The following DNAJC10 variants were observed in gnomAD, a reference collection of about 807,000 sequenced individuals.
DNAJC10 encodes the protein endoplasmic reticulum disulfide reductase DNAJC10.
Under a neutral mutation model 115.0 loss-of-function variants are expected in DNAJC10, and 101 were observed. The ratio of observed to expected loss-of-function variants is 0.88; its 90% CI spans 0.75 to 1.04. The LOEUF is 1.04. Ranked by LOEUF, DNAJC10 falls within the 50% of genes least tolerant of loss-of-function variation. The pLI is 0.00. For missense variants in DNAJC10, 981 were observed against 928.8 expected (o/e 1.06, Z -0.73); for synonymous variants, 307 against 301.5 (o/e 1.02, Z -0.19).
rs1694046394 is a variant in DNAJC10 at position 182,752,411 on chromosome 2, T to G, written c.1551+223T>G. 6 of 350,110 alleles carry G rather than the reference T, an allele frequency of 1.7e-5. No individual in the cohort carries two copies. In the Admixed American group the frequency reaches 2.0e-4, roughly 12 times the overall value. 21.7% of individuals were successfully genotyped at this position (350,110 alleles called of 1,614,324 possible). ...GCATTGAATGTAAATAAGGTCTTAT[T>G]TATCAAACTCAGGCAACTATTTTCA... On this transcript the variant is annotated intron_variant, in intron 16 of 23. Coordinates refer to ENST00000264065, the MANE Select transcript of DNAJC10 (RefSeq NM_018981.4).
At chr2:182,745,327 A>G (rs1305463074) in intron 14 of DNAJC10, among the ~76,000 whole-genome samples, 1 of 152,162 alleles carries the variant, frequency 6.6e-6, no homozygotes, top group Non-Finnish European at 1.5e-5. Flanking sequence ...CTACCTTTGG[A>G]TGTTTGTGAA....
chr2:182,753,898 C>G (rs2105672820), intron 16 of DNAJC10, among the ~76,000 whole-genome samples: 1 of 152,100 alleles, frequency 6.6e-6, no homozygotes, highest in East Asian at 1.9e-4. Flanking sequence ...TTTAGTTTTT[C>G]TACTTTTCAT....
At position 182,789,582 on chromosome 2, in the gene DNAJC10, T is replaced by C. The variant is rs1695013381; in HGVS notation, c.*12450T>C. ...TATATATACATTCTACATTTTGTTA[T>C]TCGTCCGTTGATAGGCTGCCTTCAC... is the stretch of plus-strand genomic sequence containing the variant. On this transcript the variant is annotated 3_prime_UTR_variant, in exon 24 of 24. Transcript: ENST00000264065. 1 of 152,226 alleles carries C rather than the reference T, an allele frequency of 6.6e-6. No individual in the cohort carries two copies. The highest frequency in any genetic ancestry group is 2.4e-5 in the African/African-American group (1 of 41,456). 9.4% of individuals were successfully genotyped at this position (152,226 alleles called of 1,614,324 possible).
At chr2:182,722,967 ATATAT>A (rs1217113577) in intron 5 of DNAJC10, among the ~76,000 whole-genome samples, 1 of 151,816 alleles carries the variant, frequency 6.6e-6, no homozygotes, top group African/African-American at 2.4e-5. Flanking sequence ...TATGTTTTTC[ATATAT>A]TATCGTTAAA....
rs1299101576 is a variant in DNAJC10 at position 182,752,384 on chromosome 2, A to G, written c.1551+196A>G. ...GGATTAAACCATGCATAGCTAATCAATGCATTGAATGTAAATAAGGTCTTA... is the reference window on the plus strand; with the variant it reads ...GGATTAAACCATGCATAGCTAATCAGTGCATTGAATGTAAATAAGGTCTTA... On this transcript the variant is annotated intron_variant, in intron 16 of 23. Transcript: ENST00000264065. Among the ~76,000 whole-genome samples, 6 of 152,188 alleles carry G rather than the reference A, an allele frequency of 3.9e-5. No homozygotes were observed. In the South Asian group the frequency reaches 1.0e-3, roughly 26 times the overall value.
In DNAJC10 at chr2:182,785,688, AAG is replaced by A. The variant is rs1694933571; in HGVS notation, c.*8559_*8560del. The A allele has an allele frequency of 6.6e-6, 1 of 152,104 alleles. No individual in the cohort carries two copies. Among genetic ancestry groups the A allele is most frequent in the Admixed American group, 6.6e-5 (1 of 15,266 alleles). The allele number at this position is 152,104 out of a possible 1,614,324, so 9.4% of individuals were successfully genotyped here. A position where few individuals can be genotyped will look rare whatever the true frequency, so the allele number is the denominator to read the frequency against. The stretch of plus-strand genomic sequence containing the variant: ...CGTATAGCTTAAAAGGAAAAAGAAA[AAG>A]AGGCTTTTCAGTCATGAGCCAAATG... On this transcript the variant is annotated 3_prime_UTR_variant, in exon 24 of 24. Coordinates refer to ENST00000264065, the MANE Select transcript of DNAJC10 (RefSeq NM_018981.4).
In DNAJC10 at chr2:182,778,783, C is replaced by T. The variant is rs1279249512; in HGVS notation, c.*1651C>T. The T allele has an allele frequency of 1.3e-5, 2 of 152,190 alleles. No individual in the cohort carries two copies. The highest frequency in any genetic ancestry group is 2.9e-5 in the Non-Finnish European group (2 of 68,036). 9.4% of individuals were successfully genotyped at this position (152,190 alleles called of 1,614,324 possible). Reference sequence around the variant, plus strand: ...AATTATGATCAGTAATGGCAAGAGCCTTTCATTCTCGAATGTTTAAAGCCT... The same window carrying T: ...AATTATGATCAGTAATGGCAAGAGCTTTTCATTCTCGAATGTTTAAAGCCT... On this transcript the variant is annotated 3_prime_UTR_variant, in exon 24 of 24. Transcript: ENST00000264065.
chr2:182,728,237 G>A (rs1249656204), intron 5 of DNAJC10, among the ~76,000 whole-genome samples: 1 of 152,072 alleles, frequency 6.6e-6, no homozygotes, highest in East Asian at 1.9e-4. Flanking sequence ...GTGAGGTTTG[G>A]CTGCTATTTC....
At chr2:182,729,181 C>T (rs895704565) in intron 7 of DNAJC10, 187 bp downstream of exon 7, 6 of 551,570 alleles carry the variant, frequency 1.1e-5, no homozygotes, top group African/African-American at 9.7e-5. Flanking sequence ...TGGAGTCTCA[C>T]TCTGTTGCCC....
chr2:182,725,485 G>A lies in DNAJC10; in HGVS notation c.419-3091G>A, dbSNP rs184531987. Among the ~76,000 whole-genome samples, 22 of 152,314 alleles carry A rather than the reference G, an allele frequency of 1.4e-4. 2 individuals carry two copies. The East Asian group carries it at 2.9e-3, about 20-fold the overall frequency. ...CATGGAAAGTAAACGTGCTACTCCA[G>A]TGAACACACTAATGATAACACAAAA... On this transcript the variant is annotated intron_variant, in intron 5 of 23. Coordinates refer to ENST00000264065, the MANE Select transcript of DNAJC10 (RefSeq NM_018981.4).
rs1289750825 is a variant in DNAJC10 at position 182,743,690 on chromosome 2, C to G, written c.1284C>G (p.Thr428=). Residue 428 remains threonine (T), a synonymous_variant, in exon 14 of 24, where the codon ACC becomes ACG. Transcript: ENST00000264065. ...TAGCAGTATTTAAAGGACAAGGAAC[C>G]AAAGAATATGAAATTCATCATGGTA... ...PSLAVFKGQG[T]KEYEIHHGKK... is the part of the protein sequence containing the mutation. 2 of 1,604,030 alleles carry G rather than the reference C, an allele frequency of 1.2e-6. No homozygotes were observed. Among genetic ancestry groups the G allele is most frequent in the African/African-American group, 2.7e-5 (2 of 74,284 alleles).
chr2:182,745,308 T>C (rs1343205626), intron 14 of DNAJC10, among the ~76,000 whole-genome samples: 3 of 152,224 alleles, frequency 2.0e-5, no homozygotes, highest in African/African-American at 7.2e-5. Flanking sequence ...CAGATAGTCT[T>C]AGCTCCAGCT....
chr2:182,718,656 G>T (rs938090812), intron 3 of DNAJC10, among the ~76,000 whole-genome samples: 4 of 152,004 alleles, frequency 2.6e-5, no homozygotes, highest in African/African-American at 9.7e-5. Flanking sequence ...AAACTCAGAG[G>T]GTATGACTTG....
intron 13 of DNAJC10, among the ~76,000 whole-genome samples, chr2:182,743,173 T>C (rs969954290): frequency 6.6e-6 from 1 of 152,176 alleles, no homozygotes; most frequent in Non-Finnish European, 1.5e-5. Flanking sequence ...GGATCTTCTC[T>C]CTTAAATGCC....
Position 182,780,036 on chromosome 2 carries a change from A to G in DNAJC10, c.*2904A>G, listed in dbSNP as rs1350801202. ...ATTAAATTAACAAAATGCATTTTAA[A>G]TTTTTATGATACCTATAGAAAATTG... On this transcript the variant is annotated 3_prime_UTR_variant, in exon 24 of 24. Coordinates refer to ENST00000264065, the MANE Select transcript of DNAJC10 (RefSeq NM_018981.4). 2 of 152,278 alleles carry G rather than the reference A, an allele frequency of 1.3e-5. No individual in the cohort carries two copies. The highest frequency in any genetic ancestry group is 4.8e-5 in the African/African-American group (2 of 41,544). The allele number at this position is 152,278 out of a possible 1,614,324, so 9.4% of individuals were successfully genotyped here.
In DNAJC10 at chr2:182,731,089, T is replaced by C; in HGVS notation, c.787T>C (p.Phe263Leu). ...FAAGIGWLIT[F>L]CSKGGDCLTS... ...TGCTGGTATTGGCTGGCTGATCACTTTTTGTTCAAAAGGAGGAGGTAATAC... is the reference window on the plus strand; with the variant it reads ...TGCTGGTATTGGCTGGCTGATCACTCTTTGTTCAAAAGGAGGAGGTAATAC... Residue 263 changes from phenylalanine to leucine, a missense_variant, in exon 9 of 24, where the codon TTT (phenylalanine) becomes CTT (leucine). Transcript: ENST00000264065. The C allele has an allele frequency of 6.2e-7, 1 of 1,612,686 alleles. No individual in the cohort carries two copies. The highest frequency in any genetic ancestry group is 1.1e-5 in the South Asian group (1 of 90,836).
Position 182,751,910 on chromosome 2 carries a change from A to G in DNAJC10, c.1434+125A>G. Reference sequence around the variant, plus strand: ...CTGTGTCATTCCATTATGGCCACTAATGCATATTGCTTTTAAATGAGTGCT... The same window carrying G: ...CTGTGTCATTCCATTATGGCCACTAGTGCATATTGCTTTTAAATGAGTGCT... On this transcript the variant is annotated intron_variant, in intron 15 of 23. Coordinates refer to ENST00000264065, the MANE Select transcript of DNAJC10 (RefSeq NM_018981.4). 4 of 1,303,480 alleles carry G rather than the reference A, an allele frequency of 3.1e-6. No homozygotes were observed. In the South Asian group the frequency reaches 5.5e-5, roughly 18 times the overall value. 80.7% of individuals were successfully genotyped at this position (1,303,480 alleles called of 1,614,324 possible). A position where few individuals can be genotyped will look rare whatever the true frequency, so the allele number is the denominator to read the frequency against.
rs557952799 is a variant in DNAJC10, at chr2:182,767,206, G to C, written c.2265+4405G>C. Among the ~76,000 whole-genome samples the C allele has an allele frequency of 9.3e-4, 142 of 152,230 alleles. 1 individual carries two copies. The highest frequency in any genetic ancestry group is 3.2e-3 in the African/African-American group (135 of 41,550). ...AGAGGATACCACGCAGAGCGTACCG[G>C]TGCCCAGGTGGCCAAAATAGTAGCG... On this transcript the variant is annotated intron_variant, in intron 22 of 23. Coordinates refer to ENST00000264065, the MANE Select transcript of DNAJC10 (RefSeq NM_018981.4).
intron 23 of DNAJC10, among the ~76,000 whole-genome samples, chr2:182,776,383 G>A (rs1694706728): frequency 6.6e-6 from 1 of 152,132 alleles, no homozygotes; most frequent in Non-Finnish European, 1.5e-5. Flanking sequence ...AGGCAGTTCA[G>A]TTTTACCTTT....
Sources: gnomAD v4.1 joint callset for allele counts (sites outside exome capture counted in the v4.1 genomes callset) on GRCh38, gnomAD v4.1.1 for gene constraint, MANE v1.5 for transcripts, NCBI Gene and HGNC (gene_info 2026-07-23, HGNC 2026-07-21) for gene names.